Variants in PGCKA1 observed in about 807,000 individuals in gnomAD.
The protein encoded by PGCKA1 is PDCD10 and GCKIII kinases associated 1.
the PGCKA1 span, among the ~76,000 whole-genome samples, chr4:37,508,681 A>ATTTTT: frequency 2.2e-3 from 99 of 45,474 alleles, no homozygotes; most frequent in African/African-American, 0.011. Context: ...TTTTTGCTGA[A>ATTTTT]TCTTTTTTTT....
the PGCKA1 span, among the ~76,000 whole-genome samples, chr4:37,536,205 G>T: frequency 2.0e-5 from 3 of 152,134 alleles, no homozygotes; most frequent in African/African-American, 7.2e-5. Context: ...TTGGGATAGG[G>T]GCACAGCGGG....
chr4:37,510,000 G>A, the PGCKA1 span, among the ~76,000 whole-genome samples: 1,052 of 150,500 alleles, frequency 7.0e-3, 4 homozygotes, highest in Non-Finnish European at 9.3e-3. Flanking sequence ...GGAGGGGGAG[G>A]GGGAGAGGGA....
At chr4:37,483,423 A>G in the PGCKA1 span, among the ~76,000 whole-genome samples, 21 of 152,246 alleles carry the variant, frequency 1.4e-4, 1 homozygote, top group South Asian at 1.0e-3. Context: ...CCTCTTTTCT[A>G]GAGCCAGTGC....
the PGCKA1 span, among the ~76,000 whole-genome samples, chr4:37,510,843 T>A: frequency 2.0e-5 from 3 of 152,036 alleles, no homozygotes; most frequent in Non-Finnish European, 4.4e-5. Flanking sequence ...TCTGGAAGCC[T>A]GGGACTGGAG....
chr4:37,466,505 G>A, the PGCKA1 span, among the ~76,000 whole-genome samples: 2 of 152,148 alleles, frequency 1.3e-5, no homozygotes, highest in African/African-American at 4.8e-5. Flanking sequence ...AAACTGAGGA[G>A]TAATAAGATT....
At chr4:37,471,130 A>G in the PGCKA1 span, among the ~76,000 whole-genome samples, 2 of 152,254 alleles carry the variant, frequency 1.3e-5, no homozygotes, top group African/African-American at 2.4e-5. Context: ...GCAAAGAACC[A>G]TTCATGAATT....
At chr4:37,521,518 T>A in the PGCKA1 span, among the ~76,000 whole-genome samples, 1 of 152,254 alleles carries the variant, frequency 6.6e-6, no homozygotes, top group Admixed American at 6.5e-5. Context: ...GTTATTCATT[T>A]CTATAGTTTT....
chr4:37,533,207 T>C, the PGCKA1 span, among the ~76,000 whole-genome samples: 1 of 152,230 alleles, frequency 6.6e-6, no homozygotes, highest in Non-Finnish European at 1.5e-5. Flanking sequence ...GGATTTTTTT[T>C]CCCCAAAGAA....
chr4:37,572,056 T>TTTTTTC, the PGCKA1 span, among the ~76,000 whole-genome samples: 39 of 115,142 alleles, frequency 3.4e-4, no homozygotes, highest in Non-Finnish European at 4.2e-4. Flanking sequence ...ACCTTTTTTT[T>TTTTTTC]TTTTTTCTTT....
chr4:37,458,481 G>A, the PGCKA1 span, among the ~76,000 whole-genome samples: 4 of 152,104 alleles, frequency 2.6e-5, no homozygotes, highest in Non-Finnish European at 4.4e-5. Context: ...GGCAAATTAC[G>A]TTCTTTTCCA....
chr4:37,508,514 T>C, the PGCKA1 span, among the ~76,000 whole-genome samples: 2 of 134,270 alleles, frequency 1.5e-5, no homozygotes, highest in South Asian at 5.0e-4. Flanking sequence ...CATTCTTCAG[T>C]ATGTTGGTTG....
At chr4:37,488,841 G>A in the PGCKA1 span, among the ~76,000 whole-genome samples, 1 of 152,016 alleles carries the variant, frequency 6.6e-6, no homozygotes, top group African/African-American at 2.4e-5. Context: ...GACTCTTCCA[G>A]TGTAAACCTC....
chr4:37,564,785 G>A, the PGCKA1 span, among the ~76,000 whole-genome samples: 1 of 152,036 alleles, frequency 6.6e-6, no homozygotes, highest in African/African-American at 2.4e-5. Context: ...GGGATTAAAG[G>A]TGCGAGCCAC....
chr4:37,460,311 T>C, the PGCKA1 span: 2 of 215,586 alleles, frequency 9.3e-6, no homozygotes, highest in Admixed American at 5.7e-5. Flanking sequence ...TGTGCATGTA[T>C]CTTTATAATA....
the PGCKA1 span, among the ~76,000 whole-genome samples, chr4:37,473,896 A>G: frequency 6.6e-6 from 1 of 152,142 alleles, no homozygotes; most frequent in Non-Finnish European, 1.5e-5. Flanking sequence ...ATCTGCTTGC[A>G]TATCCCCAGA....
At chr4:37,515,395 T>C in the PGCKA1 span, among the ~76,000 whole-genome samples, 12 of 152,142 alleles carry the variant, frequency 7.9e-5, no homozygotes, top group Non-Finnish European at 1.3e-4. Context: ...GTCACAAAGG[T>C]CCACCCAAGT....
chr4:37,497,510 G>C, the PGCKA1 span, among the ~76,000 whole-genome samples: 1 of 152,086 alleles, frequency 6.6e-6, no homozygotes, highest in Non-Finnish European at 1.5e-5. Flanking sequence ...GTGTAGAGGT[G>C]TTCCCTGATC....
chr4:37,575,907 A>G, the PGCKA1 span, among the ~76,000 whole-genome samples: 2 of 152,214 alleles, frequency 1.3e-5, no homozygotes, highest in South Asian at 2.1e-4. Context: ...TGAGAACACT[A>G]TAAGTGTATT....
the PGCKA1 span, among the ~76,000 whole-genome samples, chr4:37,494,133 T>A: frequency 2.0e-5 from 3 of 152,254 alleles, no homozygotes; most frequent in East Asian, 3.9e-4. Flanking sequence ...TATTTTTAGG[T>A]TTGTTTGTTT....
Sources: allele counts gnomAD v4.1 joint callset (sites outside exome capture counted in the v4.1 genomes callset), GRCh38; gene constraint gnomAD v4.1.1; transcripts MANE v1.5; gene names NCBI Gene and HGNC (gene_info 2026-07-23, HGNC 2026-07-21).